Variants in FOXN3 observed in about 807,000 individuals in gnomAD.
FOXN3 encodes forkhead box protein N3.
A neutral mutation model predicts 38.4 loss-of-function variants in FOXN3; 7 were observed. The ratio of observed to expected loss-of-function variants is 0.18; its 90% CI spans 0.10 to 0.34. FOXN3 has a LOEUF of 0.34. Among genes scored for constraint, FOXN3 ranks in the 10% least tolerant of loss-of-function variants. The pLI, the probability that FOXN3 is intolerant of heterozygous loss-of-function variation, is 1.00. For missense variants in FOXN3, 456 were observed against 613.4 expected, an observed-to-expected ratio of 0.74 and a Z score of 2.71; for synonymous variants, 230 against 242.2, an observed-to-expected ratio of 0.95 and a Z score of 0.47.
chr14:89,598,235 T>C (rs1212590417), intron 1 of FOXN3, among the ~76,000 whole-genome samples: 1 of 152,182 alleles, frequency 6.6e-6, no homozygotes, highest in Non-Finnish European at 1.5e-5. Context: ...TGTTATTCCC[T>C]ACATATTTTA....
chr14:89,472,784 G>A (rs1206105344), intron 1 of FOXN3, among the ~76,000 whole-genome samples: 23 of 150,922 alleles, frequency 1.5e-4, no homozygotes, highest in Admixed American at 7.3e-4. Flanking sequence ...TAGGAACTCA[G>A]TTGGTCATTA....
intron 2 of FOXN3, among the ~76,000 whole-genome samples, chr14:89,367,505 C>T (rs1328370645): frequency 6.6e-6 from 1 of 152,134 alleles, no homozygotes; most frequent in Non-Finnish European, 1.5e-5. Flanking sequence ...GGACAAAGCA[C>T]CCGGGAACCA....
intron 2 of FOXN3, among the ~76,000 whole-genome samples, chr14:89,407,796 G>A (rs372134937): frequency 4.6e-5 from 7 of 152,036 alleles, no homozygotes; most frequent in Admixed American, 1.3e-4. Flanking sequence ...ATGCCACTGC[G>A]CTCCAGCCTG....
rs68132432 is a variant in FOXN3, at chr14:89,467,804, G to GTTTTT, written c.-14-55319_-14-55315dup. 7.0e-3 allele frequency among the ~76,000 whole-genome samples: 398 copies of GTTTTT among 56,584 alleles called. 42 individuals are homozygous for GTTTTT. Among genetic ancestry groups the GTTTTT allele is most frequent in the South Asian group, 0.015 (16 of 1,076 alleles). The allele number at this position is 56,584 out of a possible 152,430, so 37.1% of individuals were successfully genotyped here. ...CTTCTTCCTTTTCTTTTCTTTCTTT[G>GTTTTT]TTTTTTTTTTTTTTTTTTTTTTTTG... On this transcript the variant is annotated intron_variant, in intron 1 of 6. Coordinates refer to the FOXN3 transcript ENST00000345097.
At chr14:89,510,422 C>T (rs918029374) in intron 1 of FOXN3, among the ~76,000 whole-genome samples, 19 of 152,214 alleles carry the variant, frequency 1.2e-4, no homozygotes, top group Non-Finnish European at 2.9e-5. Context: ...TGCATATGCA[C>T]TGAGGGCAGC....
chr14:89,564,717 G>A (rs1895315978), intron 1 of FOXN3, among the ~76,000 whole-genome samples: 1 of 152,092 alleles, frequency 6.6e-6, no homozygotes, highest in Non-Finnish European at 1.5e-5. Flanking sequence ...ACCTTATTTT[G>A]GAAACAGGAT....
intron 1 of FOXN3, among the ~76,000 whole-genome samples, chr14:89,594,186 T>G (rs59522898): frequency 0.053 from 8,008 of 152,314 alleles, 500 homozygotes; most frequent in African/African-American, 0.13. Flanking sequence ...TCCATAATTT[T>G]GGGTACATAT....
rs565050472 is a variant in FOXN3, at chr14:89,156,620, C to T, written c.*5794G>A. ...CATCAATAGTAAACCTCTTGGTCTT[C>T]TGATTGCTTTATCACTTTTTTTTTT... is the stretch of plus-strand genomic sequence containing the variant. On this transcript the variant is annotated 3_prime_UTR_variant, in exon 6 of 6. Coordinates refer to ENST00000557258, the MANE Select transcript of FOXN3 (RefSeq NM_005197.4). The T allele has an allele frequency of 6.6e-6, 1 of 151,490 alleles. No individual in the cohort carries two copies. The highest frequency in any genetic ancestry group is 1.5e-5 in the Non-Finnish European group (1 of 67,958). 9.4% of individuals were successfully genotyped at this position (151,490 alleles called of 1,614,324 possible).
chr14:89,601,563 A>T (rs1211867088), intron 1 of FOXN3, among the ~76,000 whole-genome samples: 1 of 152,228 alleles, frequency 6.6e-6, no homozygotes, highest in Non-Finnish European at 1.5e-5. Flanking sequence ...GCAATTAGTT[A>T]AACTCAGGTA....
chr14:89,399,305 G>A (rs1314249008), intron 2 of FOXN3, among the ~76,000 whole-genome samples: 2 of 152,202 alleles, frequency 1.3e-5, no homozygotes, highest in African/African-American at 4.8e-5. Context: ...AGCCAACAGT[G>A]TGAGAAGGCA....
chr14:89,282,380 AC>A (rs1319694916), intron 3 of FOXN3, among the ~76,000 whole-genome samples: 1 of 152,176 alleles, frequency 6.6e-6, no homozygotes, highest in Non-Finnish European at 1.5e-5. Context: ...GGTAGTTGTG[AC>A]CACAGAGTGG....
At chr14:89,396,891 T>TTC (rs1413112126) in intron 2 of FOXN3, among the ~76,000 whole-genome samples, 2 of 151,916 alleles carry the variant, frequency 1.3e-5, no homozygotes, top group African/African-American at 4.8e-5. Flanking sequence ...TTTTTTTTTT[T>TTC]TCCTTATTTG....
At chr14:89,310,253 T>C (rs1887496338) in intron 3 of FOXN3, among the ~76,000 whole-genome samples, 1 of 152,230 alleles carries the variant, frequency 6.6e-6, no homozygotes, top group African/African-American at 2.4e-5. Context: ...CTTTTTTCAC[T>C]GGACTTGAAC....
At chr14:89,239,681 A>G (rs1031127583) in intron 4 of FOXN3, among the ~76,000 whole-genome samples, 4 of 152,242 alleles carry the variant, frequency 2.6e-5, no homozygotes, top group East Asian at 1.9e-4. Flanking sequence ...GTCTTAGCCC[A>G]TGCCTCTACT....
chr14:89,530,003 C>T (rs903766365), intron 1 of FOXN3, among the ~76,000 whole-genome samples: 3 of 150,888 alleles, frequency 2.0e-5, no homozygotes, highest in African/African-American at 2.4e-5. Flanking sequence ...GGCAGTGGTG[C>T]GATCTTGGCT....
chr14:89,298,281 G>A (rs1006375193), intron 3 of FOXN3, among the ~76,000 whole-genome samples: 4 of 152,124 alleles, frequency 2.6e-5, no homozygotes, highest in African/African-American at 9.7e-5. Flanking sequence ...GGAACTAGGT[G>A]GAGGGGAACG....
At position 89,490,982 on chromosome 14, in the gene FOXN3, G is replaced by GT. The variant is rs200168741; in HGVS notation, c.-14-78493dup. On this transcript the variant is annotated intron_variant, in intron 1 of 6. Coordinates refer to the FOXN3 transcript ENST00000345097. ...AGGAGATACACTCCTAATCATTTTT[G>GT]TTTTTTTTTGAGATAGCGTTTCACC... Among the ~76,000 whole-genome samples the GT allele has an allele frequency of 2.9e-3, 432 of 150,702 alleles. 4 individuals carry two copies. Among genetic ancestry groups the GT allele is most frequent in the African/African-American group, 8.6e-3 (353 of 41,094 alleles).
intron 4 of FOXN3, among the ~76,000 whole-genome samples, chr14:89,237,551 G>T (rs1466242447): frequency 1.3e-5 from 2 of 152,330 alleles, no homozygotes; most frequent in East Asian, 1.9e-4. Context: ...AGCTGGTTGT[G>T]ATATTGCACT....
intron 2 of FOXN3, among the ~76,000 whole-genome samples, chr14:89,379,288 A>G (rs981106328): frequency 6.6e-6 from 1 of 152,124 alleles, no homozygotes; most frequent in Non-Finnish European, 1.5e-5. Flanking sequence ...AGTTGTGCTG[A>G]GCCCTCCCCA....
Sources: gnomAD v4.1 joint callset for allele counts (sites outside exome capture counted in the v4.1 genomes callset) on GRCh38, gnomAD v4.1.1 for gene constraint, MANE v1.5 for transcripts, NCBI Gene and HGNC (gene_info 2026-07-23, HGNC 2026-07-21) for gene names.